The following TRPC1 variants were observed in gnomAD, a reference collection of about 807,000 sequenced individuals.
TRPC1 encodes the protein short transient receptor potential channel 1.
In TRPC1, 42 loss-of-function variants were observed where a neutral mutation model predicts 88.2. The ratio of observed to expected loss-of-function variants is 0.48; its 90% CI spans 0.37 to 0.62. TRPC1 has a LOEUF of 0.62. Among genes scored for constraint, TRPC1 ranks in the 20% least tolerant of loss-of-function variants. The probability of loss-of-function intolerance (pLI) is 0.00; values close to 1 mark genes in which losing one functional copy is unlikely to be tolerated. For synonymous variants in TRPC1, 288 were observed against 331.8 expected (o/e 0.87, Z 1.43); for missense variants, 699 against 957.3 (o/e 0.73, Z 3.56).
At chr3:142,726,976 G>A (rs557893512) in intron 1 of TRPC1, among the ~76,000 whole-genome samples, 112 of 152,276 alleles carry the variant, frequency 7.4e-4, no homozygotes, top group African/African-American at 2.6e-3. Context: ...AAATTACTTT[G>A]CCCAAGGTTA....
intron 4 of TRPC1, among the ~76,000 whole-genome samples, chr3:142,765,639 C>G (rs756819771): frequency 3.3e-5 from 5 of 152,236 alleles, no homozygotes; most frequent in Non-Finnish European, 7.4e-5. Context: ...AAACTGGACC[C>G]CTACCTATCA....
chr3:142,743,454 T>C, intron 2 of TRPC1, 31 bp from the exon 3 acceptor site: 1 of 1,428,478 alleles, frequency 7.0e-7, no homozygotes, highest in Non-Finnish European at 9.3e-7. Context: ...TTATCTTCCA[T>C]TTTCATTTTT....
At chr3:142,730,552 C>A (rs1386464066) in intron 1 of TRPC1, among the ~76,000 whole-genome samples, 1 of 149,734 alleles carries the variant, frequency 6.7e-6, no homozygotes, top group Non-Finnish European at 1.5e-5. Flanking sequence ...ACGAGTTTTG[C>A]ACATTTGATA....
Position 142,784,935 on chromosome 3 carries a change from C to A in TRPC1, c.1192C>A (p.Leu398Met). The change falls in exon 7 of 13, where the codon CTG becomes ATG. Residue 398 changes from leucine to methionine, a missense_variant. By Grantham distance (15) the Leu-to-Met change is conservative. Around this residue, in one of 4 missense-constraint regions of TRPC1, gnomAD observed 426 missense variants for 641.3 expected, o/e 0.66. Transcript: ENST00000476941. ...TCATGGAGCATCATATTTCACATTT[C>A]TGCTGTTGCTTAATCTATACTCTCT... The part of the protein sequence containing the change: ...IIHGASYFTF[L>M]LLLNLYSLVY... 1 of 1,614,006 alleles carries A rather than the reference C, an allele frequency of 6.2e-7. No homozygotes were observed. The highest frequency in any genetic ancestry group is 8.5e-7 in the Non-Finnish European group (1 of 1,179,994).
intron 7 of TRPC1, 23 bp downstream of exon 7, chr3:142,785,063 A>G: frequency 6.5e-7 from 1 of 1,543,266 alleles, no homozygotes; most frequent in South Asian, 1.3e-5. Context: ...TTAGTTTGAA[A>G]GGTTTTGTCT....
chr3:142,803,685 G>C (rs1936690662), intron 10 of TRPC1, among the ~76,000 whole-genome samples: 1 of 152,140 alleles, frequency 6.6e-6, no homozygotes, highest in Non-Finnish European at 1.5e-5. Context: ...TTTGAGCAGA[G>C]GTGTGACAAA....
intron 4 of TRPC1, among the ~76,000 whole-genome samples, chr3:142,762,963 A>G (rs1260413393): frequency 6.6e-6 from 1 of 151,896 alleles, no homozygotes; most frequent in Non-Finnish European, 1.5e-5. Flanking sequence ...CTTAATTTCC[A>G]TGTGTCTGTG....
At chr3:142,804,740 C>CT (rs889047787) in intron 12 of TRPC1, 110 bp downstream of exon 12, 9 of 889,158 alleles carry the variant, frequency 1.0e-5, no homozygotes, top group African/African-American at 1.9e-5. Flanking sequence ...GACTGTCTGA[C>CT]TTTTTTTCAC....
At chr3:142,742,131 C>T (rs987057075) in intron 2 of TRPC1, among the ~76,000 whole-genome samples, 17 of 150,506 alleles carry the variant, frequency 1.1e-4, no homozygotes, top group African/African-American at 3.9e-4. Context: ...CCACTGCACT[C>T]CAGCCTGGGT....
chr3:142,790,253 A>G (rs762209368), intron 7 of TRPC1, among the ~76,000 whole-genome samples: 5 of 152,128 alleles, frequency 3.3e-5, no homozygotes, highest in African/African-American at 1.2e-4. Flanking sequence ...GGCCAGCGCG[A>G]CTAGAATAGT....
intron 7 of TRPC1, among the ~76,000 whole-genome samples, chr3:142,790,271 A>G (rs1295558054): frequency 6.6e-6 from 1 of 152,066 alleles, no homozygotes; most frequent in East Asian, 1.9e-4. Flanking sequence ...AGTACAAGGA[A>G]AGATTAGTAG....
chr3:142,792,054 A>G lies in TRPC1; in HGVS notation c.1438-770A>G, dbSNP rs1040037022. Among the ~76,000 whole-genome samples, 5 of 152,140 alleles carry G rather than the reference A, an allele frequency of 3.3e-5. No homozygotes were observed. Among genetic ancestry groups the G allele is most frequent in the African/African-American group, 1.2e-4 (5 of 41,564 alleles). The stretch of plus-strand genomic sequence containing the variant: ...TGAAAAGGCAAGCTCATTATTTTAC[A>G]TAATTTTACTTTATTAAAAAATTCT... On this transcript the variant is annotated intron_variant, in intron 8 of 12. Transcript: ENST00000476941. The surrounding 1 kb of genome is among the most constrained non-coding windows in gnomAD (Gnocchi z 4.0).
intron 1 of TRPC1, among the ~76,000 whole-genome samples, chr3:142,733,154 GT>G (rs1933995993): frequency 6.6e-6 from 1 of 152,032 alleles, no homozygotes; most frequent in African/African-American, 2.4e-5. Context: ...TATTTATTTG[GT>G]TTTGATTTTT....
intron 7 of TRPC1, among the ~76,000 whole-genome samples, chr3:142,788,173 C>T (rs150940783): frequency 6.8e-4 from 104 of 152,186 alleles, no homozygotes; most frequent in African/African-American, 2.4e-3. Flanking sequence ...TTTTGCCTTT[C>T]GAAAAGATCA....
At chr3:142,794,081 C>T (rs944306524) in intron 9 of TRPC1, 5 of 161,552 alleles carry the variant, frequency 3.1e-5, no homozygotes, top group African/African-American at 1.2e-4. Flanking sequence ...TACCTAAAGT[C>T]ATTTAACCTC....
At chr3:142,802,059 T>C (rs2108163692) in intron 9 of TRPC1, 110 bp from the exon 10 acceptor site, 1 of 646,528 alleles carries the variant, frequency 1.5e-6, no homozygotes, top group East Asian at 3.2e-5. Context: ...ATAGAAGGGG[T>C]GGCCTGTGGA....
At chr3:142,751,083 TAAAA>T (rs1224583262) in intron 4 of TRPC1, among the ~76,000 whole-genome samples, 2 of 152,080 alleles carry the variant, frequency 1.3e-5, no homozygotes, top group African/African-American at 4.8e-5. Context: ...GTTTACAAAA[TAAAA>T]AAATTACTGT....
Position 142,761,202 on chromosome 3 carries a change from G to C in TRPC1, c.632+12742G>C, listed in dbSNP as rs543366732. ...GAAAGGCCTTCAATTTTTCCCTGTT[G>C]GCTTTTATTATTTTGAAGTATGTCC... On this transcript the variant is annotated intron_variant, in intron 4 of 12. Transcript: ENST00000476941. Among the ~76,000 whole-genome samples the C allele has an allele frequency of 5.3e-5, 8 of 151,940 alleles. 1 individual carries two copies. In the South Asian group the frequency reaches 1.7e-3, roughly 32 times the overall value.
At chr3:142,796,328 C>G (rs1365761437) in intron 9 of TRPC1, among the ~76,000 whole-genome samples, 1 of 152,062 alleles carries the variant, frequency 6.6e-6, no homozygotes, top group Non-Finnish European at 1.5e-5. Context: ...TGTGGGCAGG[C>G]TTTAATAATT....
Sources: gnomAD v4.1 joint callset for allele counts (sites outside exome capture counted in the v4.1 genomes callset) on GRCh38, gnomAD v4.1.1 for gene constraint, gnomAD v4.1.1 regional missense constraint, Gnocchi (gnomAD v3.1) non-coding constraint, MANE v1.5 for transcripts, NCBI Gene and HGNC (gene_info 2026-07-23, HGNC 2026-07-21) for gene names.